The following KIF15 variants were observed in gnomAD, a reference collection of about 807,000 sequenced individuals.
KIF15 encodes the protein kinesin family member 15.
KIF15 carries 140 observed loss-of-function variants against 190.6 expected under a neutral mutation model. The observed-to-expected ratio is 0.73, with a 90% CI of 0.64 to 0.84. KIF15 has a LOEUF of 0.84. Ranked by LOEUF, KIF15 falls within the 40% of genes least tolerant of loss-of-function variation. The pLI is 0.00. For synonymous variants in KIF15, 528 were observed against 551.3 expected (o/e 0.96, Z 0.59); for missense variants, 1,372 against 1,584.4 (o/e 0.87, Z 2.28).
intron 10 of KIF15, among the ~76,000 whole-genome samples, chr3:44,799,774 A>G (rs1707175892): frequency 6.6e-6 from 1 of 151,582 alleles, no homozygotes; most frequent in Non-Finnish European, 1.5e-5. Flanking sequence ...AAAAAAAAAA[A>G]AAAAAGGAAG....
intron 3 of KIF15, among the ~76,000 whole-genome samples, chr3:44,776,394 C>A (rs1705894060): frequency 6.7e-6 from 1 of 148,352 alleles, no homozygotes; most frequent in Admixed American, 6.7e-5. Context: ...TGCACTCCAG[C>A]CTTGGCAACA....
chr3:44,835,563 A>G (rs1698270341), intron 26 of KIF15, among the ~76,000 whole-genome samples: 2 of 152,104 alleles, frequency 1.3e-5, no homozygotes, highest in African/African-American at 4.8e-5. Flanking sequence ...AGTATAAAAA[A>G]CTGATGATTT....
intron 10 of KIF15, among the ~76,000 whole-genome samples, chr3:44,799,593 C>T (rs1707163219): frequency 1.3e-5 from 2 of 148,826 alleles, no homozygotes; most frequent in South Asian, 2.1e-4. Context: ...GAGTCTCGCT[C>T]TGTCAACAGG....
intron 32 of KIF15, 49 bp downstream of exon 32, chr3:44,848,607 T>A (rs1166819194): frequency 1.1e-6 from 1 of 927,850 alleles, no homozygotes; most frequent in Non-Finnish European, 1.6e-6. Context: ...TTTTCCTTAT[T>A]CTCCTCTAAA....
At chr3:44,780,832 G>A in intron 4 of KIF15, 53 bp from the exon 5 acceptor site, 1 of 1,165,678 alleles carries the variant, frequency 8.6e-7, no homozygotes, top group South Asian at 1.4e-5. Context: ...ATAATAGGAG[G>A]AGTAGTCTTT....
chr3:44,827,084 T>C (rs1479478029), intron 22 of KIF15: 1 of 457,004 alleles, frequency 2.2e-6, no homozygotes, highest in Non-Finnish European at 4.4e-6. Context: ...CATTTATTGA[T>C]ATCCAACAAG....
At position 44,838,197 on chromosome 3, in the gene KIF15, A is replaced by G. The variant is rs1398906807; in HGVS notation, c.3172-78A>G. 3 of 1,448,900 alleles carry G rather than the reference A, an allele frequency of 2.1e-6. No homozygotes were observed. In the African/African-American group the frequency reaches 4.3e-5, roughly 21 times the overall value. 89.8% of individuals were successfully genotyped at this position (1,448,900 alleles called of 1,614,324 possible). ...ACATAAAACTTCCTTAGTCTGTTAA[A>G]AGTTGTACATAGTAATGATTTGGGA... On this transcript the variant is annotated intron_variant, in intron 26 of 34. Coordinates refer to ENST00000326047, the MANE Select transcript of KIF15 (RefSeq NM_020242.3).
intron 3 of KIF15, among the ~76,000 whole-genome samples, chr3:44,775,688 T>C (rs952162496): frequency 1.3e-5 from 2 of 151,710 alleles, no homozygotes; most frequent in Non-Finnish European, 2.9e-5. Context: ...TCTCTCGACC[T>C]CGTGATCTGC....
At position 44,826,078 on chromosome 3, in the gene KIF15, A is replaced by T; in HGVS notation, c.2589A>T (p.Leu863=). 6.3e-7 allele frequency: 1 copy of T among 1,591,122 alleles called. No individual in the cohort carries two copies. The highest frequency in any genetic ancestry group is 8.5e-7 in the Non-Finnish European group (1 of 1,174,670). ...NEKLLESKAC[L]QDSYDNLQEI... ...AGCTGCTTGAGAGCAAAGCCTGCCTACAGGATTCCTATGACAACTTACAAG... is the reference window on the plus strand; with the variant it reads ...AGCTGCTTGAGAGCAAAGCCTGCCTTCAGGATTCCTATGACAACTTACAAG... The change falls in exon 21 of 35, where the codon CTA becomes CTT. Residue 863 remains leucine (L), a synonymous_variant. Transcript: ENST00000326047.
downstream of KIF15, among the ~76,000 whole-genome samples, chr3:44,853,504 T>G (rs1699133922): frequency 6.6e-6 from 1 of 152,260 alleles, no homozygotes; most frequent in Admixed American, 6.5e-5. Context: ...ATAATGGAGC[T>G]ATAAATGTTC....
intron 26 of KIF15, 111 bp from the exon 27 acceptor site, chr3:44,838,164 A>T: frequency 9.1e-7 from 1 of 1,093,460 alleles, no homozygotes; most frequent in Non-Finnish European, 1.3e-6. Context: ...CAAAAGAAAT[A>T]GGTTTTTACA....
At chr3:44,857,007 G>A (rs189872598), downstream of KIF15, among the ~76,000 whole-genome samples, 62 of 152,326 alleles carry the variant, frequency 4.1e-4, no homozygotes, top group African/African-American at 1.4e-3. Context: ...CTACAGCATA[G>A]CCTGTTTTGC....
intron 1 of KIF15, among the ~76,000 whole-genome samples, chr3:44,765,121 G>A (rs1347369874): frequency 1.3e-5 from 2 of 152,188 alleles, no homozygotes; most frequent in Non-Finnish European, 2.9e-5. Flanking sequence ...TAGAAATAAT[G>A]CCAGAACTAT....
rs1705504269 is a variant in KIF15 at position 44,768,454 on chromosome 3, C to G, written c.20-5941C>G. Among the ~76,000 whole-genome samples, 3 of 152,104 alleles carry G rather than the reference C, an allele frequency of 2.0e-5. No individual in the cohort carries two copies. In the South Asian group the frequency reaches 6.2e-4, roughly 31 times the overall value. On this transcript the variant is annotated intron_variant, in intron 1 of 34. Transcript: ENST00000326047. ...TCTCAGTGAAAAAAAGTGTGATACA[C>G]CAGCTGAAGAGGCCAGGCTTCTCCC... is the stretch of plus-strand genomic sequence containing the variant.
Position 44,797,931 on chromosome 3 carries a change from A to T in KIF15, c.1073A>T (p.Gln358Leu). Residue 358 changes from glutamine to leucine, a missense_variant, in exon 10 of 35, where the codon CAA (glutamine) becomes CTA (leucine). Transcript: ENST00000326047. The stretch of plus-strand genomic sequence containing the variant: ...ACCCTATCAACACTTAACTTTGCTC[A>T]AAGAGCCAAGCTGATTAAAAACAAG... Reference protein sequence around the residue: ...GETLSTLNFAQRAKLIKNKAV... With the variant: ...GETLSTLNFALRAKLIKNKAV... 6.2e-7 allele frequency: 1 copy of T among 1,613,454 alleles called. No individual in the cohort carries two copies. The highest frequency in any genetic ancestry group is 1.1e-5 in the South Asian group (1 of 90,936).
At position 44,861,724 on chromosome 3, in the gene KIF15, T is replaced by C. The variant is rs115139289; in HGVS notation, c.*59+8930T>C. 7.1e-3 allele frequency: 3,842 copies of C among 543,906 alleles called. 92 individuals are homozygous for C. The highest frequency in any genetic ancestry group is 0.063 in the African/African-American group (3,162 of 49,850). 33.7% of individuals were successfully genotyped at this position (543,906 alleles called of 1,614,324 possible). ...CGTCCTCCCCAGAGCACAAACCTACTACAGGTTAGGCCGGAGGCCGCCACA... is the reference window on the plus strand; with the variant it reads ...CGTCCTCCCCAGAGCACAAACCTACCACAGGTTAGGCCGGAGGCCGCCACA... On this transcript the variant is annotated intron_variant and NMD_transcript_variant, in intron 6 of 6. Coordinates refer to the KIF15 transcript ENST00000422209.
At chr3:44,853,723 T>C (rs1699145998), downstream of KIF15, among the ~76,000 whole-genome samples, 2 of 152,238 alleles carry the variant, frequency 1.3e-5, no homozygotes, top group Admixed American at 6.5e-5. Context: ...ATTGTCAGGT[T>C]TTTTACTGCA....
intron 28 of KIF15, 44 bp downstream of exon 28, chr3:44,840,500 T>C (rs1356904012): frequency 1.4e-6 from 2 of 1,397,008 alleles, no homozygotes; most frequent in Non-Finnish European, 2.0e-6. Context: ...GAAACAGTTT[T>C]GTAAATGATA....
chr3:44,816,847 C>T (rs1708052783), intron 20 of KIF15, among the ~76,000 whole-genome samples: 1 of 152,198 alleles, frequency 6.6e-6, no homozygotes, highest in Non-Finnish European at 1.5e-5. Context: ...CTAATTTACG[C>T]TCTCACCAAC....
Sources: allele counts gnomAD v4.1 joint callset (sites outside exome capture counted in the v4.1 genomes callset), GRCh38; gene constraint gnomAD v4.1.1; transcripts MANE v1.5; gene names NCBI Gene and HGNC (gene_info 2026-07-23, HGNC 2026-07-21).